CACNG4: variants seen among roughly 807,000 people sequenced by gnomAD.
The protein encoded by CACNG4 is voltage-dependent calcium channel gamma-4 subunit.
A neutral mutation model predicts 22.9 loss-of-function variants in CACNG4; 8 were observed. That is an observed-to-expected ratio of 0.35 (90% CI 0.21 to 0.63). The LOEUF (loss-of-function observed/expected upper bound fraction) is 0.63, where lower values mean the gene tolerates loss of function less well. Ranked by LOEUF, CACNG4 falls within the 30% of genes least tolerant of loss-of-function variation. The probability of loss-of-function intolerance (pLI) is 0.72; values close to 1 mark genes in which losing one functional copy is unlikely to be tolerated. For synonymous variants in CACNG4, 188 were observed against 191.9 expected (o/e 0.98, Z 0.17); for missense variants, 357 against 455.4 (o/e 0.78, Z 1.97).
At position 67,027,669 on chromosome 17, in the gene CACNG4, T is replaced by C. The variant is rs1038818086; in HGVS notation, c.445+2669T>C. Among the ~76,000 whole-genome samples, 1 of 152,168 alleles carries C rather than the reference T, an allele frequency of 6.6e-6. No individual in the cohort carries two copies. The highest frequency in any genetic ancestry group is 1.5e-5 in the Non-Finnish European group (1 of 68,024). ...TAAGAAACCCTTTTCCAACTCGTGC[T>C]GAATACAGAGAGGGGAAGAAAACAC... On this transcript the variant is annotated intron_variant, in intron 3 of 3. Transcript: ENST00000262138. The surrounding 1 kb of genome is among the most constrained non-coding windows in gnomAD (Gnocchi z 4.3).
chr17:67,020,434 G>A (rs1281878001), intron 2 of CACNG4, among the ~76,000 whole-genome samples: 1 of 152,238 alleles, frequency 6.6e-6, no homozygotes, highest in South Asian at 2.1e-4. Flanking sequence ...TTAAGCGTAC[G>A]CTGTGGGGAA....
At chr17:66,981,866 CTAGT>C (rs1338332192) in intron 1 of CACNG4, among the ~76,000 whole-genome samples, 1 of 152,218 alleles carries the variant, frequency 6.6e-6, no homozygotes, top group Non-Finnish European at 1.5e-5. Flanking sequence ...TAATTTCACA[CTAGT>C]TAATTACTTA....
intron 1 of CACNG4, among the ~76,000 whole-genome samples, chr17:66,982,190 A>AT (rs2035280279): frequency 6.6e-6 from 1 of 152,192 alleles, no homozygotes; most frequent in Non-Finnish European, 1.5e-5. Context: ...ACCCAAGCGG[A>AT]TTGCCGCTGC....
intron 1 of CACNG4, among the ~76,000 whole-genome samples, chr17:67,014,945 A>T (rs939899486): frequency 2.9e-5 from 4 of 139,568 alleles, no homozygotes; most frequent in Non-Finnish European, 6.1e-5. Flanking sequence ...TCCAAAAACA[A>T]AAAAAAAAAA....
intron 1 of CACNG4, among the ~76,000 whole-genome samples, chr17:66,992,748 G>A (rs1349313223): frequency 6.6e-6 from 1 of 152,256 alleles, no homozygotes; most frequent in Non-Finnish European, 1.5e-5. Flanking sequence ...GGCTGGATGA[G>A]CCCAAAGCTG....
intron 2 of CACNG4, among the ~76,000 whole-genome samples, chr17:67,024,429 G>A (rs1440152109): frequency 6.6e-6 from 1 of 152,244 alleles, no homozygotes; most frequent in East Asian, 1.9e-4. Flanking sequence ...CGATGCGTGT[G>A]CTCTCAACCA....
chr17:67,013,382 A>T (rs2035478944), intron 1 of CACNG4, among the ~76,000 whole-genome samples: 1 of 152,192 alleles, frequency 6.6e-6, no homozygotes, highest in Admixed American at 6.5e-5. Context: ...TACTGTAGGA[A>T]ATTCAGAAAA....
intron 1 of CACNG4, among the ~76,000 whole-genome samples, chr17:67,000,608 A>T (rs2035402402): frequency 6.6e-6 from 1 of 152,066 alleles, no homozygotes; most frequent in African/African-American, 2.4e-5. Context: ...CGGAGGAGGG[A>T]GAGACACAGG....
intron 2 of CACNG4, among the ~76,000 whole-genome samples, chr17:67,022,914 G>T (rs1428676911): frequency 6.6e-6 from 1 of 152,228 alleles, no homozygotes; most frequent in African/African-American, 2.4e-5. Flanking sequence ...CTCCAATGGG[G>T]CATGTTCATC....
rs371566295 is a variant in CACNG4, at chr17:66,965,235, C to T, written c.220+104C>T. On this transcript the variant is annotated intron_variant, in intron 1 of 3. Transcript: ENST00000262138. ...GCGCACACACACACACGCGCACACA[C>T]TGCCCGGCGCGCGGGCCGGGGAGAG... The T allele has an allele frequency of 5.6e-5, 39 of 698,494 alleles. No homozygotes were observed. The East Asian group carries it at 9.1e-4, about 16-fold the overall frequency. 43.3% of individuals were successfully genotyped at this position (698,494 alleles called of 1,614,324 possible). A position where few individuals can be genotyped will look rare whatever the true frequency, so the allele number is the denominator to read the frequency against.
At chr17:67,029,736 G>A (rs962115341) in intron 3 of CACNG4, among the ~76,000 whole-genome samples, 8 of 152,226 alleles carry the variant, frequency 5.3e-5, no homozygotes, top group Non-Finnish European at 8.8e-5. Context: ...TCCACATAAC[G>A]TAAAATGTTA....
At chr17:66,971,127 C>T (rs577099580) in intron 1 of CACNG4, among the ~76,000 whole-genome samples, 9 of 152,306 alleles carry the variant, frequency 5.9e-5, no homozygotes, top group East Asian at 1.9e-4. Flanking sequence ...CTGGAACACT[C>T]CTCCCACCTC....
chr17:67,012,268 G>A (rs183693974), intron 1 of CACNG4, among the ~76,000 whole-genome samples: 1 of 152,198 alleles, frequency 6.6e-6, no homozygotes, highest in Non-Finnish European at 1.5e-5. Flanking sequence ...TGATCGTTCT[G>A]CTGTGAGCCT....
Position 67,030,996 on chromosome 17 carries a change from C to G in CACNG4, c.976C>G (p.Pro326Ala). Residue 326 changes from proline (P) to alanine (A), a missense_variant, in exon 4 of 4, where the codon CCT becomes GCT. By Grantham distance (27) the Pro-to-Ala change is conservative. Transcript: ENST00000262138. This position sits in a 1 kb window ranked among gnomAD's most constrained non-coding sequence, Gnocchi z 6.4. ...CAGCATGCTGAACCGACGGACGACCCCTGTGTGAGCCGCCTGCCCTTTCTC... is the reference window on the plus strand; with the variant it reads ...CAGCATGCTGAACCGACGGACGACCGCTGTGTGAGCCGCCTGCCCTTTCTC... ...HVSMLNRRTTPV is the reference protein window; with the variant it reads ...HVSMLNRRTTAV 1 of 1,608,680 alleles carries G rather than the reference C, an allele frequency of 6.2e-7. No homozygotes were observed. Among genetic ancestry groups the G allele is most frequent in the Non-Finnish European group, 8.5e-7 (1 of 1,176,212 alleles).
chr17:67,000,418 T>TC (rs2035401334), intron 1 of CACNG4, among the ~76,000 whole-genome samples: 1 of 152,172 alleles, frequency 6.6e-6, no homozygotes, highest in South Asian at 2.1e-4. Context: ...TTTACTGTTT[T>TC]TTTTTTTTAA....
chr17:67,002,944 G>A (rs1028556166), intron 1 of CACNG4, among the ~76,000 whole-genome samples: 1 of 152,136 alleles, frequency 6.6e-6, no homozygotes, highest in African/African-American at 2.4e-5. Flanking sequence ...GGAAAAACAG[G>A]GTTACTTTGC....
intron 1 of CACNG4, among the ~76,000 whole-genome samples, chr17:67,005,486 G>A (rs2035432092): frequency 6.6e-6 from 1 of 152,204 alleles, no homozygotes; most frequent in Non-Finnish European, 1.5e-5. Flanking sequence ...AAGATTCTTA[G>A]AGTCTAGGAC....
intron 1 of CACNG4, among the ~76,000 whole-genome samples, chr17:66,981,855 A>C (rs7214780): frequency 6.6e-6 from 1 of 152,214 alleles, no homozygotes; most frequent in African/African-American, 2.4e-5. Context: ...TGTAACAGCT[A>C]TAATTTCACA....
At chr17:66,981,944 A>G (rs1389486800) in intron 1 of CACNG4, among the ~76,000 whole-genome samples, 1 of 152,170 alleles carries the variant, frequency 6.6e-6, no homozygotes, top group East Asian at 1.9e-4. Context: ...TATAAAAAAA[A>G]ATTTTTAGAG....
Sources: gnomAD v4.1 joint callset for allele counts (sites outside exome capture counted in the v4.1 genomes callset) on GRCh38, gnomAD v4.1.1 for gene constraint, Gnocchi (gnomAD v3.1) non-coding constraint, MANE v1.5 for transcripts, NCBI Gene and HGNC (gene_info 2026-07-23, HGNC 2026-07-21) for gene names.